Variants in SKIC3 observed in about 807,000 individuals in gnomAD.
The protein encoded by SKIC3 is SKI3 subunit of superkiller complex.
At chr5:95,525,435 G>A in the SKIC3 span, 1 of 1,613,912 alleles carries the variant, frequency 6.2e-7, no homozygotes, top group East Asian at 2.2e-5. Context: ...TTGGTGAAAT[G>A]AATCAAAGCC....
chr5:95,522,181 G>A, the SKIC3 span: 62 of 1,613,858 alleles, frequency 3.8e-5, no homozygotes, highest in East Asian at 1.3e-3. Flanking sequence ...TGGATTCTGG[G>A]TTCAGCTCAC....
chr5:95,544,493 A>T, the SKIC3 span, among the ~76,000 whole-genome samples: 1 of 152,176 alleles, frequency 6.6e-6, no homozygotes, highest in African/African-American at 2.4e-5. Context: ...ACAAAAGACC[A>T]CTTAGCCTGT....
the SKIC3 span, among the ~76,000 whole-genome samples, chr5:95,538,888 C>A: frequency 6.6e-6 from 1 of 152,242 alleles, no homozygotes; most frequent in East Asian, 1.9e-4. Flanking sequence ...TAAAGAAACA[C>A]ACCTTTAAAA....
chr5:95,529,081 C>G, the SKIC3 span: 2 of 1,613,684 alleles, frequency 1.2e-6, no homozygotes, highest in Non-Finnish European at 1.7e-6. Flanking sequence ...TCCACTTGTG[C>G]AGACAGGGCT....
the SKIC3 span, chr5:95,464,539 G>A: frequency 8.4e-7 from 1 of 1,193,078 alleles, no homozygotes; most frequent in Non-Finnish European, 1.2e-6. Context: ...GCTTTGGGTA[G>A]AAGTCTTGAT....
chr5:95,525,296 C>T, the SKIC3 span: 3,252 of 1,102,388 alleles, frequency 2.9e-3, 66 homozygotes, highest in African/African-American at 0.04. Flanking sequence ...AGATCAAATT[C>T]ATGAAAAATC....
the SKIC3 span, among the ~76,000 whole-genome samples, chr5:95,465,608 CAG>C: frequency 6.6e-6 from 1 of 152,290 alleles, no homozygotes; most frequent in South Asian, 2.1e-4. Context: ...TTTTAGGTCA[CAG>C]AGAAAAGTCT....
At chr5:95,495,051 G>C in the SKIC3 span, 2 of 1,605,466 alleles carry the variant, frequency 1.2e-6, no homozygotes, top group African/African-American at 2.7e-5. Context: ...TTATACAAAT[G>C]CAGAAACTTT....
At chr5:95,518,324 ATCC>A in the SKIC3 span, among the ~76,000 whole-genome samples, 1 of 151,910 alleles carries the variant, frequency 6.6e-6, no homozygotes, top group Non-Finnish European at 1.5e-5. Context: ...AATGTTCACT[ATCC>A]TCCTTCTAGC....
chr5:95,484,348 T>C, the SKIC3 span, among the ~76,000 whole-genome samples: 18 of 146,574 alleles, frequency 1.2e-4, no homozygotes, highest in African/African-American at 3.3e-4. Flanking sequence ...CTCTTTTTTT[T>C]TTTTTTTTTT....
the SKIC3 span, chr5:95,494,602 GC>G: frequency 2.9e-6 from 4 of 1,374,534 alleles, no homozygotes; most frequent in East Asian, 9.2e-5. Flanking sequence ...TATATTGTGT[GC>G]AAGATTTTTC....
the SKIC3 span, chr5:95,530,204 C>T: frequency 5.0e-6 from 8 of 1,613,542 alleles, no homozygotes; most frequent in Non-Finnish European, 6.8e-6. Context: ...TACAACAATA[C>T]TGCTGCCCCT....
the SKIC3 span, chr5:95,528,269 A>C: frequency 8.2e-7 from 1 of 1,225,770 alleles, no homozygotes. Context: ...TTCCAAAACA[A>C]TATACATGAA....
At chr5:95,543,304 A>C in the SKIC3 span, 1 of 1,614,000 alleles carries the variant, frequency 6.2e-7, no homozygotes, top group Non-Finnish European at 8.5e-7. Flanking sequence ...CATTATAGTT[A>C]TTTTTCTCTT....
the SKIC3 span, among the ~76,000 whole-genome samples, chr5:95,496,450 C>G: frequency 2.0e-5 from 3 of 152,180 alleles, no homozygotes; most frequent in Non-Finnish European, 4.4e-5. Context: ...CCCCAACAGG[C>G]CACACCCTAA....
chr5:95,512,787 C>A, the SKIC3 span: 1 of 695,140 alleles, frequency 1.4e-6, no homozygotes, highest in South Asian at 1.9e-5. Flanking sequence ...TAAAACACAG[C>A]GAAGAACATA....
chr5:95,551,526 G>A, the SKIC3 span, among the ~76,000 whole-genome samples: 33 of 152,174 alleles, frequency 2.2e-4, no homozygotes, highest in African/African-American at 7.2e-4. Context: ...GTTTAGGAAA[G>A]TAAGATAATA....
chr5:95,525,477 A>G, the SKIC3 span: 2 of 1,613,924 alleles, frequency 1.2e-6, no homozygotes, highest in East Asian at 2.2e-5. Flanking sequence ...AGGTCAGGGT[A>G]AGAAGAGAGA....
the SKIC3 span, chr5:95,514,955 A>G: frequency 6.2e-7 from 1 of 1,605,260 alleles, no homozygotes; most frequent in East Asian, 2.2e-5. Context: ...TATTACAGCA[A>G]GTCATTTTAT....
Sources: gnomAD v4.1 joint callset for allele counts (sites outside exome capture counted in the v4.1 genomes callset) on GRCh38, gnomAD v4.1.1 for gene constraint, MANE v1.5 for transcripts, NCBI Gene and HGNC (gene_info 2026-07-23, HGNC 2026-07-21) for gene names.